LRRTM4: variants seen among roughly 807,000 people sequenced by gnomAD.
The protein encoded by LRRTM4 is leucine-rich repeat transmembrane neuronal protein 4.
In LRRTM4, 25 loss-of-function variants were observed where a neutral mutation model predicts 47.6. The observed-to-expected ratio is 0.53, with a 90% CI of 0.38 to 0.73. The LOEUF is 0.73. LRRTM4 is among the 30% of genes least tolerant of loss of function. The pLI is 0.00. For synonymous variants in LRRTM4, 311 were observed against 269.5 expected, an observed-to-expected ratio of 1.15 and a Z score of -1.51; for missense variants, 638 against 713.4, an observed-to-expected ratio of 0.89 and a Z score of 1.20.
chr2:77,042,764 C>A (rs1312361909), intron 3 of LRRTM4, among the ~76,000 whole-genome samples: 2 of 151,662 alleles, frequency 1.3e-5, no homozygotes, highest in Non-Finnish European at 3.0e-5. Context: ...AGTGCTAGAA[C>A]TGTGATGGTG....
chr2:76,926,907 G>T (rs1202599809), intron 3 of LRRTM4, among the ~76,000 whole-genome samples: 2 of 152,208 alleles, frequency 1.3e-5, no homozygotes, highest in African/African-American at 4.8e-5. Context: ...ATCAGAAAAG[G>T]TCATGAAAAC....
intron 3 of LRRTM4, among the ~76,000 whole-genome samples, chr2:77,458,772 T>C (rs1676664816): frequency 6.6e-6 from 1 of 151,166 alleles, no homozygotes; most frequent in Non-Finnish European, 1.5e-5. Context: ...CCAAATTTGA[T>C]TGGCATCCTA....
chr2:77,092,465 G>C (rs915454639), intron 3 of LRRTM4, among the ~76,000 whole-genome samples: 4 of 142,000 alleles, frequency 2.8e-5, no homozygotes, highest in African/African-American at 2.9e-5. Context: ...CCTTTCCCTC[G>C]TGGAAATCTA....
chr2:76,828,867 G>C (rs1380597897), intron 3 of LRRTM4, among the ~76,000 whole-genome samples: 1 of 151,792 alleles, frequency 6.6e-6, no homozygotes, highest in African/African-American at 2.4e-5. Context: ...CTTTAATCCT[G>C]GCTGTACATT....
At chr2:76,941,851 T>C (rs937263455) in intron 3 of LRRTM4, among the ~76,000 whole-genome samples, 3 of 152,170 alleles carry the variant, frequency 2.0e-5, no homozygotes, top group African/African-American at 7.2e-5. Context: ...CTGGGTCAAA[T>C]GGTATTTCTG....
chr2:77,213,113 A>G (rs771056717), intron 3 of LRRTM4, among the ~76,000 whole-genome samples: 5 of 152,194 alleles, frequency 3.3e-5, no homozygotes, highest in Non-Finnish European at 7.3e-5. Flanking sequence ...GCAGTTAACA[A>G]CCGTAAATGT....
At chr2:77,399,194 A>G (rs554225631) in intron 3 of LRRTM4, among the ~76,000 whole-genome samples, 45 of 150,288 alleles carry the variant, frequency 3.0e-4, no homozygotes, top group Non-Finnish European at 5.3e-4. Flanking sequence ...TTTAAAAAAT[A>G]TTTTTAAATT....
At chr2:76,777,379 TCCTA>T (rs1468155064) in intron 3 of LRRTM4, among the ~76,000 whole-genome samples, 1 of 144,240 alleles carries the variant, frequency 6.9e-6, no homozygotes, top group African/African-American at 2.6e-5. Context: ...TATTGATTCT[TCCTA>T]CCCATGAGCA....
intron 3 of LRRTM4, among the ~76,000 whole-genome samples, chr2:77,238,276 A>G (rs1000622346): frequency 6.6e-6 from 1 of 152,188 alleles, no homozygotes; most frequent in Admixed American, 6.5e-5. Flanking sequence ...AATAAAATGT[A>G]TTAAAAAATA....
At chr2:76,780,916 G>A (rs1172801220) in intron 3 of LRRTM4, among the ~76,000 whole-genome samples, 1 of 151,930 alleles carries the variant, frequency 6.6e-6, no homozygotes, top group African/African-American at 2.4e-5. Flanking sequence ...CTTTGATGAT[G>A]GTGATGTACA....
At chr2:76,802,842 C>T (rs1370423063) in intron 3 of LRRTM4, among the ~76,000 whole-genome samples, 2 of 152,016 alleles carry the variant, frequency 1.3e-5, no homozygotes, top group South Asian at 2.1e-4. Context: ...CAAGAATTCA[C>T]GATGGAGAAA....
intron 3 of LRRTM4, among the ~76,000 whole-genome samples, chr2:76,940,408 T>C (rs757924639): frequency 6.6e-6 from 1 of 152,106 alleles, no homozygotes; most frequent in Non-Finnish European, 1.5e-5. Context: ...ATACCACCTG[T>C]TCTCACTTAT....
chr2:77,082,175 T>A (rs1680554874), intron 3 of LRRTM4, among the ~76,000 whole-genome samples: 1 of 152,130 alleles, frequency 6.6e-6, no homozygotes, highest in Non-Finnish European at 1.5e-5. Context: ...TTTCTTAATA[T>A]CTTTATTCTT....
rs773492543 is a variant in LRRTM4 at position 76,748,742 on chromosome 2, C to T, written c.1726G>A (p.Ala576Thr). 6.2e-6 allele frequency: 10 copies of T among 1,613,686 alleles called. No individual in the cohort carries two copies. The highest frequency in any genetic ancestry group is 1.3e-5 in the African/African-American group (1 of 74,948). ...TAGATGGCCGGTGCTGCCGACCTGG[C>T]GATGGTGGCGATGAAGCTGTGGTCT... The part of the protein sequence containing the change: ...GRDHSFIATI[A>T]RSAAPAIYLE... The change falls in exon 4 of 4, where the codon GCC (alanine) becomes ACC (threonine). Residue 576 changes from alanine (A) to threonine (T), a missense_variant. Physicochemically the swap from Ala to Thr is moderately conservative, Grantham distance 58. Coordinates refer to ENST00000409884, the MANE Select transcript of LRRTM4 (RefSeq NM_001134745.3).
intron 3 of LRRTM4, among the ~76,000 whole-genome samples, chr2:77,096,740 CTAT>C (rs1450015328): frequency 1.3e-5 from 2 of 151,484 alleles, no homozygotes; most frequent in East Asian, 3.9e-4. Context: ...AACATAGCTT[CTAT>C]TATTGGGAAA....
chr2:76,874,321 C>A (rs1255462888), intron 3 of LRRTM4, among the ~76,000 whole-genome samples: 1 of 151,998 alleles, frequency 6.6e-6, no homozygotes, highest in Non-Finnish European at 1.5e-5. Context: ...ACACTCAACA[C>A]CACATTTAAT....
At chr2:77,151,965 T>C (rs1672442670) in intron 3 of LRRTM4, among the ~76,000 whole-genome samples, 1 of 152,180 alleles carries the variant, frequency 6.6e-6, no homozygotes, top group Admixed American at 6.5e-5. Flanking sequence ...AAATTGAGTA[T>C]CTCAAGGAAA....
intron 3 of LRRTM4, among the ~76,000 whole-genome samples, chr2:76,922,740 A>C (rs1394823590): frequency 6.6e-6 from 1 of 152,092 alleles, no homozygotes; most frequent in African/African-American, 2.4e-5. Flanking sequence ...GTATACTTAA[A>C]GTTTGCTTAA....
chr2:76,817,959 A>AT (rs1172310105), intron 3 of LRRTM4, among the ~76,000 whole-genome samples: 1 of 152,006 alleles, frequency 6.6e-6, no homozygotes, highest in Non-Finnish European at 1.5e-5. Flanking sequence ...CATGTTGGAC[A>AT]TAACACTAAG....
Sources: allele counts gnomAD v4.1 joint callset (sites outside exome capture counted in the v4.1 genomes callset), GRCh38; gene constraint gnomAD v4.1.1; transcripts MANE v1.5; gene names NCBI Gene and HGNC (gene_info 2026-07-23, HGNC 2026-07-21).